MACROD2: variants seen among roughly 807,000 people sequenced by gnomAD.
MACROD2 encodes the protein ADP-ribose glycohydrolase MACROD2.
Under a neutral mutation model 70.4 loss-of-function variants are expected in MACROD2, and 36 were observed. The observed-to-expected ratio is 0.51, with a 90% CI of 0.39 to 0.68. The LOEUF is 0.68. MACROD2 is among the 30% of genes least tolerant of loss of function. The probability of loss-of-function intolerance (pLI) is 0.00; values close to 1 mark genes in which losing one functional copy is unlikely to be tolerated. For synonymous variants in MACROD2, 172 were observed against 178.8 expected, an observed-to-expected ratio of 0.96 and a Z score of 0.30; for missense variants, 496 against 538.4, an observed-to-expected ratio of 0.92 and a Z score of 0.78.
chr20:14,197,238 G>A (rs2081439749), intron 3 of MACROD2, among the ~76,000 whole-genome samples: 1 of 152,112 alleles, frequency 6.6e-6, no homozygotes, highest in Non-Finnish European at 1.5e-5. Flanking sequence ...GCATTCTTAA[G>A]CATAAACTAA....
chr20:15,445,932 C>T (rs1446084403), intron 7 of MACROD2, among the ~76,000 whole-genome samples: 1 of 152,052 alleles, frequency 6.6e-6, no homozygotes, highest in Non-Finnish European at 1.5e-5. Flanking sequence ...CAGGATGGTC[C>T]ACTTGCTGAC....
At chr20:14,870,557 C>T (rs1233405157) in intron 5 of MACROD2, among the ~76,000 whole-genome samples, 1 of 152,150 alleles carries the variant, frequency 6.6e-6, no homozygotes, top group Non-Finnish European at 1.5e-5. Context: ...TACACTTCCA[C>T]TAACAGTGTA....
chr20:14,789,388 C>G (rs532892486), intron 5 of MACROD2, among the ~76,000 whole-genome samples: 1 of 148,626 alleles, frequency 6.7e-6, no homozygotes, highest in Admixed American at 6.7e-5. Flanking sequence ...GGCAGCCATC[C>G]AAGAGGCCAA....
At chr20:15,869,238 T>TATATATAGAGAGAGAG in intron 9 of MACROD2, among the ~76,000 whole-genome samples, 827 of 28,216 alleles carry the variant, frequency 0.029, 63 homozygotes, top group Non-Finnish European at 0.044. Flanking sequence ...TATATATATA[T>TATATATAGAGAGAGAG]AGAGAGAGAG....
intron 3 of MACROD2, chr20:14,329,216 G>A (rs1307110972): frequency 6.6e-6 from 1 of 152,034 alleles, no homozygotes; most frequent in Non-Finnish European, 1.5e-5. Flanking sequence ...ACAAGAACAG[G>A]TATTCTCTTT....
intron 3 of MACROD2, among the ~76,000 whole-genome samples, chr20:14,401,509 T>A (rs1293061660): frequency 6.6e-6 from 1 of 152,226 alleles, no homozygotes; most frequent in Non-Finnish European, 1.5e-5. Flanking sequence ...TGTATTTTTT[T>A]CCATTAATCC....
At chr20:14,659,636 T>C (rs1327066906) in intron 4 of MACROD2, among the ~76,000 whole-genome samples, 3 of 152,180 alleles carry the variant, frequency 2.0e-5, no homozygotes, top group Admixed American at 6.5e-5. Flanking sequence ...AAGTTCTGTG[T>C]GGGCCTAAAC....
rs539065715 is a variant in MACROD2 at position 14,865,271 on chromosome 20, A to G, written c.418+180312A>G. 2.5e-3 allele frequency among the ~76,000 whole-genome samples: 381 copies of G among 152,194 alleles called. 3 individuals are homozygous for G. Among genetic ancestry groups the G allele is most frequent in the Non-Finnish European group, 4.1e-3 (279 of 68,002 alleles). ...TATCTCCTGCCAGAGAAGCCTACCA[A>G]GGTTCCAGCTTACTCCATGTAACCC... is the stretch of plus-strand genomic sequence containing the variant. On this transcript the variant is annotated intron_variant, in intron 5 of 17. Transcript: ENST00000684519.
intron 10 of MACROD2, among the ~76,000 whole-genome samples, chr20:15,904,625 G>A (rs530895381): frequency 1.3e-5 from 2 of 151,714 alleles, no homozygotes; most frequent in Non-Finnish European, 2.9e-5. Flanking sequence ...AGGCGCGGTG[G>A]CTCACGCCTG....
At chr20:14,296,258 G>T (rs1293522833) in intron 3 of MACROD2, among the ~76,000 whole-genome samples, 2 of 151,874 alleles carry the variant, frequency 1.3e-5, no homozygotes, top group Admixed American at 6.6e-5. Context: ...TACATGTGAA[G>T]ATATGAATAT....
intron 10 of MACROD2, 145 bp downstream of exon 10, chr20:15,885,956 G>C: frequency 1.1e-6 from 1 of 952,154 alleles, no homozygotes; most frequent in Non-Finnish European, 1.4e-6. Context: ...AAAAGTAGTT[G>C]TTCTAACACT....
At chr20:15,988,132 C>A (rs1226432409) in intron 15 of MACROD2, among the ~76,000 whole-genome samples, 1 of 152,114 alleles carries the variant, frequency 6.6e-6, no homozygotes, top group Non-Finnish European at 1.5e-5. Flanking sequence ...GATTTTGACA[C>A]TTTTAAAATG....
rs1417001339 is a variant in MACROD2 at position 14,310,452 on chromosome 20, A to G, written c.272-183027A>G. On this transcript the variant is annotated intron_variant, in intron 3 of 17. Coordinates refer to ENST00000684519, the MANE Select transcript of MACROD2 (RefSeq NM_001351661.2). ...GCTGAAAAATTCCTATGGCCGTCATAAGGTCATAGTGCAACGCAGTACTCG... is the reference window on the plus strand; with the variant it reads ...GCTGAAAAATTCCTATGGCCGTCATGAGGTCATAGTGCAACGCAGTACTCG... Among the ~76,000 whole-genome samples the G allele has an allele frequency of 4.6e-5, 7 of 152,154 alleles. No homozygotes were observed. The East Asian group carries it at 1.2e-3, about 25-fold the overall frequency.
chr20:14,859,191 C>T (rs150020437), intron 5 of MACROD2, among the ~76,000 whole-genome samples: 1,741 of 151,924 alleles, frequency 0.011, 30 homozygotes, highest in African/African-American at 0.04. Context: ...AGAACCTATC[C>T]GTGTAACCAA....
chr20:14,789,460 ATTTT>A (rs3045609), intron 5 of MACROD2, among the ~76,000 whole-genome samples: 15 of 48,356 alleles, frequency 3.1e-4, no homozygotes, highest in East Asian at 6.8e-4. Context: ...GGTAGTGCAA[ATTTT>A]TTTTTTTTTT....
chr20:15,078,992 T>C (rs1009959785), intron 5 of MACROD2, among the ~76,000 whole-genome samples: 2 of 152,070 alleles, frequency 1.3e-5, no homozygotes, highest in African/African-American at 4.8e-5. Context: ...TCCAAAGGAT[T>C]TGCTCTCCCT....
chr20:15,700,010 GCAAA>G (rs1002375970), intron 8 of MACROD2, among the ~76,000 whole-genome samples: 1 of 152,120 alleles, frequency 6.6e-6, no homozygotes, highest in Non-Finnish European at 1.5e-5. Flanking sequence ...AGAAATTTCT[GCAAA>G]CAGACCTTCA....
At position 14,733,187 on chromosome 20, in the gene MACROD2, T is replaced by C. The variant is rs148831423; in HGVS notation, c.418+48228T>C. Among the ~76,000 whole-genome samples, 775 of 152,282 alleles carry C rather than the reference T, an allele frequency of 5.1e-3. 11 individuals are homozygous for C. Among genetic ancestry groups the C allele is most frequent in the African/African-American group, 0.017 (724 of 41,554 alleles). ...TGAGTGGTTCTTCTTGCAATGGACT[T>C]TGGAGTTTTAGACACATCCTAGTTA... On this transcript the variant is annotated intron_variant, in intron 5 of 17. Coordinates refer to ENST00000684519, the MANE Select transcript of MACROD2 (RefSeq NM_001351661.2).
At chr20:15,166,024 A>C (rs2076381213) in intron 5 of MACROD2, among the ~76,000 whole-genome samples, 1 of 152,188 alleles carries the variant, frequency 6.6e-6, no homozygotes, top group South Asian at 2.1e-4. Flanking sequence ...GATTCTATTG[A>C]TGCGAAATAT....
Sources: gnomAD v4.1 joint callset for allele counts (sites outside exome capture counted in the v4.1 genomes callset) on GRCh38, gnomAD v4.1.1 for gene constraint, MANE v1.5 for transcripts, NCBI Gene and HGNC (gene_info 2026-07-23, HGNC 2026-07-21) for gene names.